RNF216: variants seen among roughly 807,000 people sequenced by gnomAD.
RNF216 encodes E3 ubiquitin-protein ligase RNF216.
Under a neutral mutation model 110.8 loss-of-function variants are expected in RNF216, and 72 were observed. The ratio of observed to expected loss-of-function variants is 0.65; its 90% CI spans 0.54 to 0.79. The LOEUF is 0.79. Among genes scored for constraint, RNF216 ranks in the 30% least tolerant of loss-of-function variants. RNF216 has a pLI of 0.00. For synonymous variants in RNF216, 495 were observed against 407.5 expected (o/e 1.21, Z -2.59); for missense variants, 1,342 against 1,141.2 (o/e 1.18, Z -2.54).
chr7:5,741,707 CA>C lies in RNF216; in HGVS notation c.309del (p.Phe103LeufsTer110), dbSNP rs1331938023. The C allele has an allele frequency of 6.2e-7, 1 of 1,614,080 alleles. No individual in the cohort carries two copies. Among genetic ancestry groups the C allele is most frequent in the African/African-American group, 1.3e-5 (1 of 74,924 alleles). On this transcript the variant is annotated frameshift_variant, in exon 4 of 17. Coordinates refer to ENST00000389902, the MANE Select transcript of RNF216 (RefSeq NM_207111.4). LOFTEE classifies it high-confidence loss of function. ...GAAAAATAGCTGCTCTTATCTGATT[CA>C]AATGCTGCTCTAGACTTTTTAGGCC... is the stretch of plus-strand genomic sequence containing the variant. ...EERPKKSRAAFESDKSSYFSV... is the reference protein window; with the variant it reads ...EERPKKSRAAXESDKSSYFSV...
chr7:5,753,918 T>C (rs1795467040), intron 2 of RNF216, among the ~76,000 whole-genome samples: 1 of 151,944 alleles, frequency 6.6e-6, no homozygotes, highest in Non-Finnish European at 1.5e-5. Flanking sequence ...TCGTTTGAAC[T>C]CGGGAGGCAG....
chr7:5,741,217 T>C lies in RNF216; in HGVS notation c.800A>G (p.His267Arg), dbSNP rs1168562533. 18 of 1,614,048 alleles carry C rather than the reference T, an allele frequency of 1.1e-5. No homozygotes were observed. Among genetic ancestry groups the C allele is most frequent in the South Asian group, 2.2e-5 (2 of 91,082 alleles). Residue 267 changes from histidine (H) to arginine (R), a missense_variant, in exon 4 of 17, where the codon CAT (histidine) becomes CGT (arginine). Transcript: ENST00000389902. ...EAELGRLLFQ[H>R]EFPGPAFPRP... ...TGGAAAAGCGGGCCCTGGGAATTCATGCTGAAACAACAAGCGGCCCAGTTC... is the reference window on the plus strand; with the variant it reads ...TGGAAAAGCGGGCCCTGGGAATTCACGCTGAAACAACAAGCGGCCCAGTTC...
intron 13 of RNF216, among the ~76,000 whole-genome samples, chr7:5,682,445 T>A (rs1242077739): frequency 6.6e-6 from 1 of 151,576 alleles, no homozygotes; most frequent in South Asian, 2.1e-4. Context: ...TCTCACTCTG[T>A]TGCCCAGGCT....
intron 12 of RNF216, 75 bp downstream of exon 12, chr7:5,712,640 A>G (rs750991998): frequency 7.0e-7 from 1 of 1,421,704 alleles, no homozygotes; most frequent in Admixed American, 1.9e-5. Flanking sequence ...AATTTTCATC[A>G]TCTGATGCAA....
chr7:5,741,393 C>T lies in RNF216; in HGVS notation c.624G>A (p.Leu208=), dbSNP rs777481711. The change falls in exon 4 of 17, where the codon CTG becomes CTA. Residue 208 remains leucine, a synonymous_variant. Transcript: ENST00000389902. The stretch of plus-strand genomic sequence containing the variant: ...CAGCTGACTCTCCTAGATTTGATAA[C>T]AGCTCTGTCTCTGAGTCTTCGGATG... The part of the protein sequence containing the change: ...NQSSEDSETE[L]LSNLGESAAL... 17 of 1,614,108 alleles carry T rather than the reference C, an allele frequency of 1.1e-5. No homozygotes were observed. In the Admixed American group the frequency reaches 2.2e-4, roughly 21 times the overall value.
At chr7:5,710,351 C>A (rs562820364) in intron 13 of RNF216, among the ~76,000 whole-genome samples, 5 of 151,264 alleles carry the variant, frequency 3.3e-5, no homozygotes, top group Admixed American at 3.3e-4. Flanking sequence ...CAGAGTGAGA[C>A]CCTGCCTCAA....
intron 1 of RNF216, among the ~76,000 whole-genome samples, chr7:5,763,953 C>T (rs1029534911): frequency 1.3e-5 from 2 of 152,120 alleles, no homozygotes; most frequent in African/African-American, 4.8e-5. Flanking sequence ...CCTTGGGAGG[C>T]CGAGGCAGGC....
intron 13 of RNF216, among the ~76,000 whole-genome samples, chr7:5,702,658 G>A (rs918292382): frequency 6.6e-6 from 1 of 152,208 alleles, no homozygotes; most frequent in Admixed American, 6.5e-5. Context: ...GGATGTGCTT[G>A]CGTGTGTAAT....
Position 5,652,508 on chromosome 7 carries a change from T to A in RNF216, c.2064A>T (p.Glu688Asp). 1 of 1,610,492 alleles carries A rather than the reference T, an allele frequency of 6.2e-7. No homozygotes were observed. The highest frequency in any genetic ancestry group is 8.5e-7 in the Non-Finnish European group (1 of 1,176,720). ...AGAGTCCCTGACACTTCCTACAGGT[T>A]TCCTGGGGATAAAGGACAGACACAA... ...FSCPNPHCRKETCRKCQGLWK... is the reference protein window; with the variant it reads ...FSCPNPHCRKDTCRKCQGLWK... The change falls in exon 14 of 17, where the codon GAA (glutamate) becomes GAT (aspartate). Residue 688 changes from glutamate (E) to aspartate (D), a missense_variant and splice_region_variant. Physicochemically the swap from Glu to Asp is conservative, Grantham distance 45. Transcript: ENST00000389902.
At chr7:5,780,123 C>T (rs367553530) in intron 1 of RNF216, 1 of 152,168 alleles carries the variant, frequency 6.6e-6, no homozygotes, top group Non-Finnish European at 1.5e-5. Flanking sequence ...CAACCCAGCC[C>T]CTTCCAGGAG....
At chr7:5,732,492 A>G (rs1245071184) in intron 5 of RNF216, among the ~76,000 whole-genome samples, 1 of 152,212 alleles carries the variant, frequency 6.6e-6, no homozygotes, top group Non-Finnish European at 1.5e-5. Flanking sequence ...TCCCCAATTC[A>G]TTTTATATTT....
At chr7:5,759,770 T>G (rs1436347294) in intron 2 of RNF216, among the ~76,000 whole-genome samples, 1 of 151,864 alleles carries the variant, frequency 6.6e-6, no homozygotes, top group Non-Finnish European at 1.5e-5. Context: ...TAGCTGGGAC[T>G]ACAGGCATGC....
intron 1 of RNF216, chr7:5,777,536 T>C (rs1306990819): frequency 6.6e-6 from 1 of 151,934 alleles, no homozygotes; most frequent in Non-Finnish European, 1.5e-5. Flanking sequence ...TTAGAGTCGA[T>C]GGGATCTGTG....
intron 3 of RNF216, among the ~76,000 whole-genome samples, chr7:5,742,477 T>C (rs192491040): frequency 5.9e-5 from 9 of 151,956 alleles, no homozygotes; most frequent in African/African-American, 1.9e-4. Flanking sequence ...TAAATCTCAT[T>C]AGTAACTAGC....
At chr7:5,646,136 T>C (rs934319552) in intron 14 of RNF216, among the ~76,000 whole-genome samples, 2 of 152,220 alleles carry the variant, frequency 1.3e-5, no homozygotes, top group Non-Finnish European at 2.9e-5. Flanking sequence ...GTTTTGAATA[T>C]TATACTGAGA....
At chr7:5,765,213 G>A (rs893256607) in intron 1 of RNF216, among the ~76,000 whole-genome samples, 2 of 152,152 alleles carry the variant, frequency 1.3e-5, no homozygotes, top group African/African-American at 4.8e-5. Flanking sequence ...TTTAATCCCA[G>A]GACTTCGGGA....
intron 13 of RNF216, among the ~76,000 whole-genome samples, chr7:5,694,479 T>C (rs1049174853): frequency 2.6e-5 from 4 of 152,382 alleles, no homozygotes; most frequent in African/African-American, 7.2e-5. Context: ...AGCAAGATTC[T>C]TGGACACAAT....
chr7:5,716,645 C>A, intron 10 of RNF216, 71 bp downstream of exon 10: 4 of 1,281,890 alleles, frequency 3.1e-6, no homozygotes, highest in South Asian at 1.4e-5. Context: ...ATCAAAAATG[C>A]TGACAAAACA....
chr7:5,742,533 C>T lies in RNF216; in HGVS notation c.202-718G>A, dbSNP rs115087172. ...GACAGTATTTTTTTCCCTGTAAGAC[C>T]GGCAAACTTTTAAATTAGATAATAC... On this transcript the variant is annotated intron_variant, in intron 3 of 16. Transcript: ENST00000389902. Among the ~76,000 whole-genome samples the T allele has an allele frequency of 3.2e-3, 481 of 150,606 alleles. 2 individuals carry two copies. The highest frequency in any genetic ancestry group is 0.011 in the African/African-American group (446 of 41,020).
Sources: allele counts gnomAD v4.1 joint callset (sites outside exome capture counted in the v4.1 genomes callset), GRCh38; gene constraint gnomAD v4.1.1; transcripts MANE v1.5; gene names NCBI Gene and HGNC (gene_info 2026-07-23, HGNC 2026-07-21).